Variants in PTPRD observed in about 807,000 individuals in gnomAD.
The protein encoded by PTPRD is protein tyrosine phosphatase receptor type D.
PTPRD carries 34 observed loss-of-function variants against 214.5 expected under a neutral mutation model. That is an observed-to-expected ratio of 0.16 (90% confidence interval 0.12 to 0.21). The LOEUF (loss-of-function observed/expected upper bound fraction) is 0.21, where lower values mean the gene tolerates loss of function less well. PTPRD is among the 10% of genes least tolerant of loss of function. The pLI is 1.00. For synonymous variants in PTPRD, 1,128 were observed against 845.7 expected (o/e 1.33, Z -5.79); for missense variants, 2,545 against 2,398.7 (o/e 1.06, Z -1.27).
chr9:9,720,990 G>A (rs2097926735), intron 7 of PTPRD, among the ~76,000 whole-genome samples: 1 of 152,132 alleles, frequency 6.6e-6, no homozygotes, highest in Admixed American at 6.6e-5. Context: ...TGAGGGTGTA[G>A]GGTGGGAGGA....
At chr9:10,318,111 G>A (rs896565089) in intron 3 of PTPRD, among the ~76,000 whole-genome samples, 15 of 151,952 alleles carry the variant, frequency 9.9e-5, no homozygotes, top group African/African-American at 3.6e-4. Context: ...TGACAGAATA[G>A]ATATCTACTT....
intron 35 of PTPRD, among the ~76,000 whole-genome samples, chr9:8,424,640 T>C (rs1226443506): frequency 6.8e-6 from 1 of 147,764 alleles, no homozygotes; most frequent in Non-Finnish European, 1.5e-5. Flanking sequence ...AAAAATGATA[T>C]AAAAATACTC....
At chr9:8,994,918 A>G (rs2099390783) in intron 11 of PTPRD, among the ~76,000 whole-genome samples, 1 of 152,090 alleles carries the variant, frequency 6.6e-6, no homozygotes, top group Non-Finnish European at 1.5e-5. Flanking sequence ...CTTTGCAGAT[A>G]TTCTGCAACA....
intron 11 of PTPRD, among the ~76,000 whole-genome samples, chr9:8,735,842 A>G (rs969074377): frequency 6.6e-6 from 1 of 150,830 alleles, no homozygotes; most frequent in African/African-American, 2.4e-5. Flanking sequence ...AACCCAGGAG[A>G]CAGAGGTTTT....
intron 7 of PTPRD, among the ~76,000 whole-genome samples, chr9:9,635,170 T>G (rs1426753299): frequency 6.6e-6 from 1 of 152,180 alleles, no homozygotes; most frequent in East Asian, 1.9e-4. Flanking sequence ...AAAGCTTCTT[T>G]TTCTTTCCTT....
At position 10,434,343 on chromosome 9, in the gene PTPRD, C is replaced by G. The variant is rs2098703168; in HGVS notation, c.-599-93326G>C. Among the ~76,000 whole-genome samples the G allele has an allele frequency of 1.3e-5, 2 of 151,712 alleles. 1 individual carries two copies. The highest frequency in any genetic ancestry group is 4.2e-4 in the South Asian group (2 of 4,818). Reference sequence around the variant, plus strand: ...ATGCAAATGTATTAGATCAAAGATTCCCGACTACAAAAATTCAATGTTTCA... The same window carrying G: ...ATGCAAATGTATTAGATCAAAGATTGCCGACTACAAAAATTCAATGTTTCA... On this transcript the variant is annotated intron_variant, in intron 2 of 45. Coordinates refer to ENST00000381196, the MANE Select transcript of PTPRD (RefSeq NM_002839.4).
chr9:8,660,927 C>G (rs374949046), intron 12 of PTPRD, among the ~76,000 whole-genome samples: 2 of 152,026 alleles, frequency 1.3e-5, no homozygotes, highest in East Asian at 3.9e-4. Flanking sequence ...GCATCTCAGA[C>G]CTCAGAAAAT....
intron 7 of PTPRD, among the ~76,000 whole-genome samples, chr9:9,699,528 A>G (rs528240925): frequency 6.6e-6 from 1 of 152,304 alleles, no homozygotes; most frequent in East Asian, 1.9e-4. Context: ...AAATCAAATT[A>G]GAACTCTAAA....
chr9:8,457,322 A>C (rs925811841), intron 33 of PTPRD, among the ~76,000 whole-genome samples: 1 of 152,112 alleles, frequency 6.6e-6, no homozygotes, highest in African/African-American at 2.4e-5. Context: ...TGTGTATTTT[A>C]AGTCATGGGC....
intron 2 of PTPRD, among the ~76,000 whole-genome samples, chr9:10,351,447 G>A (rs975075469): frequency 5.3e-5 from 8 of 151,970 alleles, no homozygotes; most frequent in African/African-American, 1.9e-4. Flanking sequence ...AAAAGGGAAT[G>A]GATTTGTTCA....
intron 11 of PTPRD, among the ~76,000 whole-genome samples, chr9:8,973,242 A>C (rs1223004636): frequency 6.6e-6 from 1 of 151,810 alleles, no homozygotes; most frequent in African/African-American, 2.4e-5. Flanking sequence ...ATCAACTGCC[A>C]AGTCTATTTT....
At chr9:10,277,531 G>C (rs1010487303) in intron 3 of PTPRD, among the ~76,000 whole-genome samples, 1 of 152,104 alleles carries the variant, frequency 6.6e-6, no homozygotes, top group African/African-American at 2.4e-5. Context: ...TATGATCTAA[G>C]TTTAAGATAA....
At chr9:8,988,339 G>A (rs147341527) in intron 11 of PTPRD, among the ~76,000 whole-genome samples, 524 of 152,150 alleles carry the variant, frequency 3.4e-3, no homozygotes, top group African/African-American at 0.012. Context: ...GAAATATGGA[G>A]TCCAATTAAT....
intron 5 of PTPRD, among the ~76,000 whole-genome samples, chr9:9,929,811 T>C (rs1239665130): frequency 1.4e-5 from 2 of 147,302 alleles, no homozygotes; most frequent in East Asian, 4.3e-4. Context: ...ATGTGATGAA[T>C]GTGGTCTACT....
At chr9:8,536,888 A>G (rs529205653) in intron 14 of PTPRD, among the ~76,000 whole-genome samples, 137 of 152,134 alleles carry the variant, frequency 9.0e-4, no homozygotes, top group African/African-American at 3.1e-3. Context: ...GCAGAGGATT[A>G]TCATAGTGTA....
chr9:8,340,652 G>A (rs372037406), intron 41 of PTPRD, among the ~76,000 whole-genome samples, 183 bp from the exon 42 acceptor site: 5 of 152,150 alleles, frequency 3.3e-5, no homozygotes, highest in Non-Finnish European at 5.9e-5. Context: ...TGGGGACTTC[G>A]CAAACTAAAT....
intron 12 of PTPRD, among the ~76,000 whole-genome samples, chr9:8,690,563 T>C (rs1724467987): frequency 6.6e-6 from 1 of 151,304 alleles, no homozygotes; most frequent in Admixed American, 6.6e-5. Flanking sequence ...AATCATATGG[T>C]CAGTAATTTA....
intron 2 of PTPRD, among the ~76,000 whole-genome samples, chr9:10,540,715 G>C (rs1198150907): frequency 6.6e-6 from 1 of 152,084 alleles, no homozygotes; most frequent in Non-Finnish European, 1.5e-5. Flanking sequence ...GGTAATTTTT[G>C]TTTCTTTATT....
chr9:10,373,683 C>G (rs1057281359), intron 2 of PTPRD, among the ~76,000 whole-genome samples: 3 of 152,014 alleles, frequency 2.0e-5, no homozygotes, highest in African/African-American at 7.2e-5. Context: ...TCTTTTTTCA[C>G]TCTTTCTCTT....
Sources: gnomAD v4.1 joint callset for allele counts (sites outside exome capture counted in the v4.1 genomes callset) on GRCh38, gnomAD v4.1.1 for gene constraint, MANE v1.5 for transcripts, NCBI Gene and HGNC (gene_info 2026-07-23, HGNC 2026-07-21) for gene names.